Variants in MRAS observed in about 807,000 individuals in gnomAD.
MRAS encodes muscle RAS oncogene homolog.
A neutral mutation model predicts 20.9 loss-of-function variants in MRAS; 4 were observed. The observed-to-expected ratio is 0.19, with a 90% CI of 0.09 to 0.44. The LOEUF (loss-of-function observed/expected upper bound fraction) is 0.44, where lower values mean the gene tolerates loss of function less well. MRAS is among the 20% of genes least tolerant of loss of function. The pLI is 0.99. For synonymous variants in MRAS, 98 were observed against 102.9 expected, an observed-to-expected ratio of 0.95 and a Z score of 0.29; for missense variants, 154 against 277.5, an observed-to-expected ratio of 0.56 and a Z score of 3.16.
At chr3:138,358,363 C>A (rs2054378293) in intron 1 of MRAS, among the ~76,000 whole-genome samples, 1 of 151,866 alleles carries the variant, frequency 6.6e-6, no homozygotes, top group South Asian at 2.1e-4. Flanking sequence ...ATAAAGGGGC[C>A]ATTAAATAAC....
At chr3:138,389,800 C>T (rs562709269) in intron 2 of MRAS, among the ~76,000 whole-genome samples, 11 of 151,986 alleles carry the variant, frequency 7.2e-5, no homozygotes, top group Non-Finnish European at 1.3e-4. Context: ...GTGTATAAAG[C>T]CTTTGGCATA....
In MRAS at chr3:138,404,361, C is replaced by T. The variant is rs1278148331; in HGVS notation, c.*2092C>T. On this transcript the variant is annotated 3_prime_UTR_variant, in exon 6 of 6. Coordinates refer to ENST00000423968, the MANE Select transcript of MRAS (RefSeq NM_001085049.3). ...CCAGAAAACTCCTGCTGGGCACCAA[C>T]CACTACGAGCATACCCCATGCCCAC... The T allele has an allele frequency of 6.6e-6, 1 of 152,224 alleles. No homozygotes were observed. The allele number at this position is 152,224 out of a possible 1,614,324, so 9.4% of individuals were successfully genotyped here.
intron 2 of MRAS, among the ~76,000 whole-genome samples, chr3:138,390,207 A>C (rs1443167185): frequency 1.3e-5 from 2 of 152,140 alleles, no homozygotes; most frequent in African/African-American, 4.8e-5. Flanking sequence ...CCTTGCCAGC[A>C]TGTGGGGCTT....
chr3:138,386,436 C>T (rs2055016505), intron 2 of MRAS, among the ~76,000 whole-genome samples: 1 of 152,186 alleles, frequency 6.6e-6, no homozygotes, highest in Non-Finnish European at 1.5e-5. Context: ...CAGTGTGTAT[C>T]AGAATTCCAT....
chr3:138,376,513 G>A (rs1284702703), intron 2 of MRAS, among the ~76,000 whole-genome samples: 1 of 152,136 alleles, frequency 6.6e-6, no homozygotes, highest in Admixed American at 6.5e-5. Flanking sequence ...AAACATTTGT[G>A]GAATGACCAA....
At chr3:138,364,429 C>G (rs1410975846) in intron 1 of MRAS, among the ~76,000 whole-genome samples, 1 of 152,258 alleles carries the variant, frequency 6.6e-6, no homozygotes, top group Non-Finnish European at 1.5e-5. Context: ...GAGGCAGATT[C>G]TGCCACTGTC....
At chr3:138,372,466 C>T (rs575097000) in intron 1 of MRAS, among the ~76,000 whole-genome samples, 1 of 152,246 alleles carries the variant, frequency 6.6e-6, no homozygotes, top group African/African-American at 2.4e-5. Flanking sequence ...CATAGCAGCC[C>T]AGTTAATAAG....
intron 1 of MRAS, among the ~76,000 whole-genome samples, chr3:138,371,614 TA>T (rs2054675687): frequency 6.6e-6 from 1 of 152,158 alleles, no homozygotes; most frequent in African/African-American, 2.4e-5. Context: ...TCTTTTCTTC[TA>T]CACAGCCGTA....
At position 138,397,454 on chromosome 3, in the gene MRAS, G is replaced by A. The variant is rs755337901; in HGVS notation, c.324G>A (p.Gln108=). Reference sequence around the variant, plus strand: ...TTGAGCACGTGGACCGCTTCCACCAGCTTATCCTGCGCGTCAAAGACAGGT... The same window carrying A: ...TTGAGCACGTGGACCGCTTCCACCAACTTATCCTGCGCGTCAAAGACAGGT... ...ASFEHVDRFH[Q]LILRVKDRES... is the part of the protein sequence containing the mutation. Residue 108 remains glutamine, a synonymous_variant, in exon 3 of 6, where the codon CAG becomes CAA. Coordinates refer to ENST00000423968, the MANE Select transcript of MRAS (RefSeq NM_001085049.3). The A allele has an allele frequency of 5.6e-6, 9 of 1,614,008 alleles. No homozygotes were observed. Among genetic ancestry groups the A allele is most frequent in the Non-Finnish European group, 4.2e-6 (5 of 1,179,992 alleles).
At chr3:138,364,157 C>A (rs1434958466) in intron 1 of MRAS, among the ~76,000 whole-genome samples, 3 of 152,034 alleles carry the variant, frequency 2.0e-5, no homozygotes, top group Non-Finnish European at 4.4e-5. Context: ...GGGAGCTGAG[C>A]CCCCACACAC....
chr3:138,381,108 T>G (rs1432731357), intron 2 of MRAS, among the ~76,000 whole-genome samples: 1 of 152,270 alleles, frequency 6.6e-6, no homozygotes, highest in Non-Finnish European at 1.5e-5. Flanking sequence ...TATTCCACTG[T>G]ATGGATGTAC....
chr3:138,392,782 A>G (rs1448444035), intron 2 of MRAS, among the ~76,000 whole-genome samples: 3 of 152,166 alleles, frequency 2.0e-5, no homozygotes, highest in Non-Finnish European at 4.4e-5. Flanking sequence ...TGTATTTAGT[A>G]TCTGCTTTTA....
chr3:138,398,332 G>A, intron 3 of MRAS, 137 bp from the exon 4 acceptor site: 9 of 704,622 alleles, frequency 1.3e-5, no homozygotes, highest in Non-Finnish European at 2.0e-5. Context: ...AAAGGAAGAG[G>A]GAAGGGACTG....
At chr3:138,377,416 C>T (rs1376028293) in intron 2 of MRAS, among the ~76,000 whole-genome samples, 1 of 152,178 alleles carries the variant, frequency 6.6e-6, no homozygotes, top group African/African-American at 2.4e-5. Context: ...ACCAGCCTGA[C>T]CAACATAGTG....
chr3:138,394,998 C>T (rs1280302175), intron 2 of MRAS, among the ~76,000 whole-genome samples: 2 of 152,134 alleles, frequency 1.3e-5, no homozygotes, highest in Non-Finnish European at 2.9e-5. Flanking sequence ...ATGAACTTTT[C>T]AAGATGTCCT....
chr3:138,392,951 CTGTTGCTTAGGAAGTTTGAGG>C (rs1203774125), intron 2 of MRAS, among the ~76,000 whole-genome samples: 2 of 152,118 alleles, frequency 1.3e-5, no homozygotes, highest in African/African-American at 4.8e-5. Flanking sequence ...TGTTTTTCCT[CTGTTGCTTAGGAAGTTTGAGG>C]TGTTGCTTAG....
intron 1 of MRAS, among the ~76,000 whole-genome samples, chr3:138,371,207 A>G (rs1252623326): frequency 6.6e-6 from 1 of 152,148 alleles, no homozygotes; most frequent in East Asian, 1.9e-4. Context: ...CAAAGCTTGT[A>G]CTTCTCCGAC....
At chr3:138,362,434 C>G (rs998599758) in intron 1 of MRAS, among the ~76,000 whole-genome samples, 2 of 152,212 alleles carry the variant, frequency 1.3e-5, no homozygotes. Context: ...CCTGGGTTAC[C>G]TGTTCCTCCG....
At chr3:138,363,172 C>T (rs1190940863) in intron 1 of MRAS, among the ~76,000 whole-genome samples, 1 of 152,032 alleles carries the variant, frequency 6.6e-6, no homozygotes, top group Non-Finnish European at 1.5e-5. Flanking sequence ...AAGTGATTCT[C>T]CTCCCTCAGC....
Sources: allele counts gnomAD v4.1 joint callset (sites outside exome capture counted in the v4.1 genomes callset), GRCh38; gene constraint gnomAD v4.1.1; transcripts MANE v1.5; gene names NCBI Gene and HGNC (gene_info 2026-07-23, HGNC 2026-07-21).